KCNIP4: variants seen among roughly 807,000 people sequenced by gnomAD.
KCNIP4 encodes the protein Kv channel-interacting protein 4.
KCNIP4 carries 12 observed loss-of-function variants against 34.0 expected under a neutral mutation model. That is an observed-to-expected ratio of 0.35 (90% CI 0.23 to 0.57). The LOEUF (loss-of-function observed/expected upper bound fraction) is 0.57, where lower values mean the gene tolerates loss of function less well. Among genes scored for constraint, KCNIP4 ranks in the 20% least tolerant of loss-of-function variants. The probability of loss-of-function intolerance (pLI) is 0.83; values close to 1 mark genes in which losing one functional copy is unlikely to be tolerated. For missense variants in KCNIP4, 238 were observed against 311.7 expected, an observed-to-expected ratio of 0.76 and a Z score of 1.78; for synonymous variants, 124 against 102.2, an observed-to-expected ratio of 1.21 and a Z score of -1.29.
intron 1 of KCNIP4, among the ~76,000 whole-genome samples, chr4:21,779,710 C>G (rs1719450449): frequency 6.6e-6 from 1 of 152,052 alleles, no homozygotes; most frequent in South Asian, 2.1e-4. Flanking sequence ...CCAGACCAGC[C>G]TGGGTGACAC....
Position 21,567,545 on chromosome 4 carries a change from C to T in KCNIP4, c.61+381026G>A, listed in dbSNP as rs574225331. Among the ~76,000 whole-genome samples, 95 of 152,094 alleles carry T rather than the reference C, an allele frequency of 6.2e-4. 1 individual carries two copies. The highest frequency in any genetic ancestry group is 1.1e-3 in the Non-Finnish European group (74 of 68,018). On this transcript the variant is annotated intron_variant, in intron 1 of 8. Coordinates refer to ENST00000382152, the MANE Select transcript of KCNIP4 (RefSeq NM_025221.6). The stretch of plus-strand genomic sequence containing the variant: ...TAGTATACATAATAAAAATTTAACA[C>T]TAAGTTGTATCAGCTAACACTATTT...
intron 1 of KCNIP4, among the ~76,000 whole-genome samples, chr4:21,451,773 G>A: frequency 6.6e-6 from 1 of 152,038 alleles, no homozygotes; most frequent in Admixed American, 6.6e-5. Flanking sequence ...TTTCGCTAAA[G>A]GACATGTGAG....
At chr4:21,788,939 G>A (rs775449515) in intron 1 of KCNIP4, among the ~76,000 whole-genome samples, 6 of 151,854 alleles carry the variant, frequency 4.0e-5, no homozygotes, top group Admixed American at 2.0e-4. Context: ...CAGGCGTGGC[G>A]GCGCGCGTCT....
At chr4:20,785,950 A>G (rs534362985) in intron 3 of KCNIP4, among the ~76,000 whole-genome samples, 1 of 152,230 alleles carries the variant, frequency 6.6e-6, no homozygotes, top group Admixed American at 6.5e-5. Context: ...ATTACTGGGT[A>G]TATACCCAGA....
At position 21,234,451 on chromosome 4, in the gene KCNIP4, T is replaced by TTACATATAACGTATATAATATATAG. The variant is rs1553841733; in HGVS notation, c.62-351767_62-351743dup. Among the ~76,000 whole-genome samples the TTACATATAACGTATATAATATATAG allele has an allele frequency of 2.8e-3, 290 of 103,932 alleles. 16 individuals carry two copies. Among genetic ancestry groups the TTACATATAACGTATATAATATATAG allele is most frequent in the East Asian group, 0.011 (38 of 3,450 alleles). 68.2% of individuals were successfully genotyped at this position (103,932 alleles called of 152,430 possible). A position where few individuals can be genotyped will look rare whatever the true frequency, so the allele number is the denominator to read the frequency against. On this transcript the variant is annotated intron_variant, in intron 1 of 8. Coordinates refer to ENST00000382152, the MANE Select transcript of KCNIP4 (RefSeq NM_025221.6). ...TTACATATAACGTATATAATATATA[T>TTACATATAACGTATATAATATATAG]TACATATAACGTATATAATATATAG...
chr4:21,013,437 C>T (rs1739238836), intron 1 of KCNIP4, among the ~76,000 whole-genome samples: 1 of 152,028 alleles, frequency 6.6e-6, no homozygotes, highest in African/African-American at 2.4e-5. Flanking sequence ...CCCTCAGTGA[C>T]CCACTGACCC....
intron 1 of KCNIP4, among the ~76,000 whole-genome samples, chr4:21,042,781 C>T (rs552756713): frequency 1.3e-5 from 2 of 152,068 alleles, no homozygotes; most frequent in Non-Finnish European, 2.9e-5. Flanking sequence ...TCATGTTGTA[C>T]CCCGTAAGTA....
intron 1 of KCNIP4, among the ~76,000 whole-genome samples, chr4:21,782,636 C>T (rs551504826): frequency 7.3e-4 from 111 of 152,142 alleles, no homozygotes; most frequent in African/African-American, 2.2e-3. Context: ...AGGTTGAGGC[C>T]GCAGTGAGCT....
At chr4:21,458,693 A>C (rs2109767579) in intron 1 of KCNIP4, among the ~76,000 whole-genome samples, 1 of 152,164 alleles carries the variant, frequency 6.6e-6, no homozygotes, top group South Asian at 2.1e-4. Flanking sequence ...TGACTACTTT[A>C]CTTTAGACTT....
At chr4:21,339,688 T>C (rs1392129435) in intron 1 of KCNIP4, among the ~76,000 whole-genome samples, 1 of 152,146 alleles carries the variant, frequency 6.6e-6, no homozygotes, top group East Asian at 1.9e-4. Context: ...CAAGATCTCC[T>C]ATGATTTCAA....
At chr4:21,254,823 C>A (rs970872396) in intron 1 of KCNIP4, among the ~76,000 whole-genome samples, 1 of 152,142 alleles carries the variant, frequency 6.6e-6, no homozygotes, top group African/African-American at 2.4e-5. Context: ...AAACTTTAAA[C>A]CCTTTACTCT....
intron 1 of KCNIP4, among the ~76,000 whole-genome samples, chr4:21,808,772 A>C (rs2109265823): frequency 6.6e-6 from 1 of 152,336 alleles, no homozygotes; most frequent in East Asian, 1.9e-4. Flanking sequence ...TTTCATGAAC[A>C]TGATTCCATT....
At chr4:21,945,411 T>G (rs540692595) in intron 1 of KCNIP4, among the ~76,000 whole-genome samples, 1 of 152,350 alleles carries the variant, frequency 6.6e-6, no homozygotes, top group Non-Finnish European at 1.5e-5. Context: ...AATGATTGTA[T>G]GATGAAAAGC....
At chr4:20,997,023 A>G (rs907580468) in intron 1 of KCNIP4, among the ~76,000 whole-genome samples, 3 of 152,050 alleles carry the variant, frequency 2.0e-5, no homozygotes, top group African/African-American at 7.3e-5. Flanking sequence ...AAGTAATTTT[A>G]TTAAGTAGTG....
chr4:21,224,139 G>A (rs920615338), intron 1 of KCNIP4, among the ~76,000 whole-genome samples: 17 of 152,180 alleles, frequency 1.1e-4, no homozygotes, highest in Admixed American at 8.5e-4. Context: ...ATGATGCTTT[G>A]TGTTGTCCCC....
At chr4:21,639,702 A>C (rs973717132) in intron 1 of KCNIP4, among the ~76,000 whole-genome samples, 3 of 152,202 alleles carry the variant, frequency 2.0e-5, no homozygotes, top group African/African-American at 7.2e-5. Flanking sequence ...GATAGATAGA[A>C]AAATAACTGT....
chr4:20,925,826 C>A (rs1460574668), intron 1 of KCNIP4, among the ~76,000 whole-genome samples: 1 of 152,120 alleles, frequency 6.6e-6, no homozygotes, highest in African/African-American at 2.4e-5. Flanking sequence ...GCACATGGGG[C>A]GAAGTTCAGA....
chr4:21,372,434 G>A (rs76465764), intron 1 of KCNIP4, among the ~76,000 whole-genome samples: 1 of 81,476 alleles, frequency 1.2e-5, no homozygotes, highest in African/African-American at 4.3e-5. Context: ...AGATATAGAT[G>A]TGTATATATA....
In KCNIP4 at chr4:20,754,136, G is replaced by A. The variant is rs566913342; in HGVS notation, c.359-4404C>T. Among the ~76,000 whole-genome samples, 103 of 152,172 alleles carry A rather than the reference G, an allele frequency of 6.8e-4. 2 individuals are homozygous for A. Among genetic ancestry groups the A allele is most frequent in the African/African-American group, 2.1e-3 (89 of 41,524 alleles). ...ATATAGGCAATAGCACCAACAAACCGTTTCCTCTCTGCTTGCCTTACAGTA... is the reference window on the plus strand; with the variant it reads ...ATATAGGCAATAGCACCAACAAACCATTTCCTCTCTGCTTGCCTTACAGTA... On this transcript the variant is annotated intron_variant, in intron 4 of 8. Coordinates refer to ENST00000382152, the MANE Select transcript of KCNIP4 (RefSeq NM_025221.6).
Sources: gnomAD v4.1 joint callset for allele counts (sites outside exome capture counted in the v4.1 genomes callset) on GRCh38, gnomAD v4.1.1 for gene constraint, MANE v1.5 for transcripts, NCBI Gene and HGNC (gene_info 2026-07-23, HGNC 2026-07-21) for gene names.